Variants in ALDH7A1 observed in about 807,000 individuals in gnomAD.
The protein encoded by ALDH7A1 is aldehyde dehydrogenase 7 family member A1, also known as alpha-aminoadipic semialdehyde dehydrogenase.
Under a neutral mutation model 79.9 loss-of-function variants are expected in ALDH7A1, and 63 were observed. That is an observed-to-expected ratio of 0.79 (90% CI 0.64 to 0.97). The LOEUF is 0.97. Among genes scored for constraint, ALDH7A1 ranks in the 50% least tolerant of loss-of-function variants. The pLI is 0.00. For synonymous variants in ALDH7A1, 240 were observed against 231.2 expected (o/e 1.04, Z -0.34); for missense variants, 627 against 665.2 (o/e 0.94, Z 0.63).
At chr5:126,593,502 T>C in intron 1 of ALDH7A1, 98 bp from the exon 2 acceptor site, 15 of 1,528,634 alleles carry the variant, frequency 9.8e-6, no homozygotes, top group Non-Finnish European at 1.4e-5. Context: ...GAGGAAAAAA[T>C]GATATAATAC....
intron 3 of ALDH7A1, among the ~76,000 whole-genome samples, chr5:126,590,000 CCACT>C (rs1561671110): frequency 1.1e-4 from 15 of 134,354 alleles, no homozygotes; most frequent in African/African-American, 4.6e-4. Context: ...GCCCAGCTGC[CCACT>C]GTCTGGGAAG....
At chr5:126,557,736 A>C (rs574278329) in intron 11 of ALDH7A1, among the ~76,000 whole-genome samples, 1 of 152,322 alleles carries the variant, frequency 6.6e-6, no homozygotes, top group African/African-American at 2.4e-5. Flanking sequence ...ACCCAAAGCC[A>C]ATTCCTTAAT....
chr5:126,561,198 T>C (rs1159654368), intron 9 of ALDH7A1, 74 bp from the exon 10 acceptor site: 5 of 1,192,902 alleles, frequency 4.2e-6, no homozygotes, highest in Non-Finnish European at 5.9e-6. Flanking sequence ...CACAGCCTAA[T>C]CCCAATTATT....
intron 3 of ALDH7A1, among the ~76,000 whole-genome samples, chr5:126,585,611 G>C (rs1751334170): frequency 6.6e-6 from 1 of 152,154 alleles, no homozygotes; most frequent in South Asian, 2.1e-4. Context: ...GCCCAGGCTT[G>C]AGTGCAGTGG....
intron 9 of ALDH7A1, chr5:126,564,721 A>G: frequency 2.2e-6 from 1 of 450,776 alleles, no homozygotes; most frequent in Non-Finnish European, 3.7e-6. Flanking sequence ...TGCTGGCTAT[A>G]GCATAGCGCT....
intron 5 of ALDH7A1, chr5:126,580,087 G>A (rs56397023): frequency 0.13 from 21,235 of 167,398 alleles, 1,672 homozygotes; most frequent in African/African-American, 0.23. Context: ...GAGGTTTATT[G>A]ACTGTATTGT....
At chr5:126,558,166 CAAAAAAAAAAAAAAAA>C (rs35559498) in intron 11 of ALDH7A1, among the ~76,000 whole-genome samples, 6 of 75,428 alleles carry the variant, frequency 8.0e-5, no homozygotes, top group African/African-American at 2.8e-4. Context: ...GACTCCAACT[CAAAAAAAAAAAAAAAA>C]AAAAAAAAAC....
At chr5:126,575,394 G>A in intron 7 of ALDH7A1, 26 bp downstream of exon 7, 4 of 1,607,930 alleles carry the variant, frequency 2.5e-6, no homozygotes, top group Non-Finnish European at 3.4e-6. Context: ...TCCATACCCA[G>A]GAAAAAGAAA....
chr5:126,547,168 G>A (rs994778491), intron 16 of ALDH7A1, among the ~76,000 whole-genome samples: 18 of 152,232 alleles, frequency 1.2e-4, no homozygotes, highest in Non-Finnish European at 2.2e-4. Context: ...CTGAGGTTCC[G>A]GAGCTAGTGA....
At chr5:126,562,659 C>T (rs1270169654) in intron 9 of ALDH7A1, among the ~76,000 whole-genome samples, 1 of 151,964 alleles carries the variant, frequency 6.6e-6, no homozygotes. Context: ...ACCATCCTGG[C>T]CAACATGGTG....
chr5:126,583,585 C>T (rs1222712257), intron 4 of ALDH7A1, among the ~76,000 whole-genome samples: 1 of 151,628 alleles, frequency 6.6e-6, no homozygotes, highest in Non-Finnish European at 1.5e-5. Flanking sequence ...CCTATAATCC[C>T]AGCACTTTGA....
In ALDH7A1 at chr5:126,573,891, G is replaced by A. The variant is rs553652657; in HGVS notation, c.695+1529C>T. Among the ~76,000 whole-genome samples, 323 of 150,442 alleles carry A rather than the reference G, an allele frequency of 2.1e-3. 4 individuals carry two copies. Among genetic ancestry groups the A allele is most frequent in the African/African-American group, 7.6e-3 (312 of 40,920 alleles). ...TTAAAAAAAAAAAAATTAGCCCGGC[G>A]TGGTGGCCCACACCTATAATCCCAG... On this transcript the variant is annotated intron_variant, in intron 7 of 17. Coordinates refer to ENST00000409134, the MANE Select transcript of ALDH7A1 (RefSeq NM_001182.5).
At position 126,570,948 on chromosome 5, in the gene ALDH7A1, T is replaced by C; in HGVS notation, c.696-89A>G. Reference sequence around the variant, plus strand: ...AATTCCAACCACTTGACTCTCCTTTTTTCAACTTTCTCTCCCATCCCTCAA... The same window carrying C: ...AATTCCAACCACTTGACTCTCCTTTCTTCAACTTTCTCTCCCATCCCTCAA... On this transcript the variant is annotated intron_variant, in intron 7 of 17. Transcript: ENST00000409134. The C allele has an allele frequency of 2.4e-6, 3 of 1,272,160 alleles. No homozygotes were observed. The Admixed American group carries it at 5.1e-5, about 22-fold the overall frequency. 78.8% of individuals were successfully genotyped at this position (1,272,160 alleles called of 1,614,324 possible).
At chr5:126,574,023 C>CAAAAAAAAAAA (rs34601459) in intron 7 of ALDH7A1, among the ~76,000 whole-genome samples, 3 of 57,242 alleles carry the variant, frequency 5.2e-5, no homozygotes, top group Non-Finnish European at 3.4e-5. Context: ...AAGACTGTCT[C>CAAAAAAAAAAA]AAAAAAAAAA....
Position 126,592,791 on chromosome 5 carries a change from G to T in ALDH7A1, c.247-62C>A, listed in dbSNP as rs117712580. 1.8e-3 allele frequency: 2,720 copies of T among 1,486,300 alleles called. 24 individuals are homozygous for T. The highest frequency in any genetic ancestry group is 0.015 in the Admixed American group (913 of 59,188). The allele number at this position is 1,486,300 out of a possible 1,614,324, so 92.1% of individuals were successfully genotyped here. A position where few individuals can be genotyped will look rare whatever the true frequency, so the allele number is the denominator to read the frequency against. Reference sequence around the variant, plus strand: ...AAAGAGAAATGATGATGATCTTCTAGAACACAAAAATATTTTCAGAAAAGA... The same window carrying T: ...AAAGAGAAATGATGATGATCTTCTATAACACAAAAATATTTTCAGAAAAGA... On this transcript the variant is annotated intron_variant, in intron 2 of 17. Coordinates refer to ENST00000409134, the MANE Select transcript of ALDH7A1 (RefSeq NM_001182.5).
At chr5:126,570,606 C>T (rs1273377678) in intron 8 of ALDH7A1, 176 bp downstream of exon 8, 76 of 692,662 alleles carry the variant, frequency 1.1e-4, no homozygotes, top group Non-Finnish European at 1.3e-5. Flanking sequence ...TATTCATCCT[C>T]CAATAGGAGT....
intron 14 of ALDH7A1, 113 bp from the exon 15 acceptor site, chr5:126,550,406 A>C: frequency 1.2e-6 from 1 of 800,280 alleles, no homozygotes; most frequent in Non-Finnish European, 2.1e-6. Context: ...TACAAAAGGA[A>C]ACCAAAGAGT....
intron 11 of ALDH7A1, among the ~76,000 whole-genome samples, chr5:126,558,976 C>T (rs893161766): frequency 1.3e-5 from 2 of 152,188 alleles, no homozygotes; most frequent in African/African-American, 4.8e-5. Flanking sequence ...AGGAGTAGGA[C>T]TGAATATCAG....
chr5:126,583,488 A>C (rs1277315843), intron 4 of ALDH7A1, among the ~76,000 whole-genome samples: 1 of 150,326 alleles, frequency 6.7e-6, no homozygotes. Flanking sequence ...TCTCAAAAAT[A>C]AATAAATAAA....
Sources: allele counts gnomAD v4.1 joint callset (sites outside exome capture counted in the v4.1 genomes callset), GRCh38; gene constraint gnomAD v4.1.1; transcripts MANE v1.5; gene names NCBI Gene and HGNC (gene_info 2026-07-23, HGNC 2026-07-21).